The following G3BP2 variants were observed in gnomAD, a reference collection of about 807,000 sequenced individuals.
The protein encoded by G3BP2 is ras GTPase-activating protein-binding protein 2.
Under a neutral mutation model 56.7 loss-of-function variants are expected in G3BP2, and 11 were observed. The ratio of observed to expected loss-of-function variants is 0.19; its 90% confidence interval spans 0.12 to 0.32. The LOEUF (loss-of-function observed/expected upper bound fraction) is 0.32, where lower values mean the gene tolerates loss of function less well. Ranked by LOEUF, G3BP2 falls within the 10% of genes least tolerant of loss-of-function variation. The pLI is 1.00. For synonymous variants in G3BP2, 165 were observed against 191.6 expected, an observed-to-expected ratio of 0.86 and a Z score of 1.15; for missense variants, 340 against 610.9, an observed-to-expected ratio of 0.56 and a Z score of 4.67.
intron 2 of G3BP2, among the ~76,000 whole-genome samples, chr4:75,721,285 A>C (rs1720168441): frequency 3.5e-5 from 5 of 142,812 alleles, no homozygotes; most frequent in South Asian, 2.2e-4. Context: ...GTCTCACTCC[A>C]TCCTCCCAGC....
At chr4:75,678,385 G>A (rs1733957461), upstream of G3BP2, among the ~76,000 whole-genome samples, 1 of 151,736 alleles carries the variant, frequency 6.6e-6, no homozygotes, top group African/African-American at 2.4e-5. Context: ...TTGATTGCCT[G>A]GCCTCAGGCC....
upstream of G3BP2, chr4:75,673,659 G>C (rs796772846): frequency 1.6e-5 from 19 of 1,224,594 alleles, no homozygotes; most frequent in South Asian, 4.2e-4. Context: ...CAAGCAGGCT[G>C]CCTTTCTCCG....
At chr4:75,685,483 A>G (rs912948866) in intron 3 of G3BP2, among the ~76,000 whole-genome samples, 14 of 149,556 alleles carry the variant, frequency 9.4e-5, no homozygotes, top group African/African-American at 3.5e-4. Flanking sequence ...CCTGGGGGAC[A>G]GAATGAGACT....
chr4:75,646,963 G>T, intron 10 of G3BP2, 66 bp downstream of exon 10: 1 of 955,458 alleles, frequency 1.0e-6, no homozygotes, highest in South Asian at 1.7e-5. Context: ...TATTAAAAAA[G>T]CTCCATATGC....
At chr4:75,683,384 C>T (rs1160599491) in intron 3 of G3BP2, among the ~76,000 whole-genome samples, 1 of 151,738 alleles carries the variant, frequency 6.6e-6, no homozygotes, top group Non-Finnish European at 1.5e-5. Flanking sequence ...CAACGTGGTG[C>T]GAAACCCTGT....
intron 3 of G3BP2, among the ~76,000 whole-genome samples, chr4:75,684,893 G>A (rs190696798): frequency 1.3e-5 from 2 of 151,016 alleles, no homozygotes; most frequent in South Asian, 2.1e-4. Context: ...GCTCTTTTTC[G>A]ATATATTTCC....
At chr4:75,681,131 C>A (rs903609058) in intron 3 of G3BP2, among the ~76,000 whole-genome samples, 1 of 151,636 alleles carries the variant, frequency 6.6e-6, no homozygotes, top group Non-Finnish European at 1.5e-5. Context: ...CAAGACCAGC[C>A]TGGCCAACAT....
chr4:75,720,796 A>AAAAT (rs150099549), intron 3 of G3BP2, among the ~76,000 whole-genome samples: 23,735 of 131,836 alleles, frequency 0.18, 2,271 homozygotes, highest in East Asian at 0.27. Flanking sequence ...GCTCCATCTC[A>AAAAT]AAATAAATAA....
At chr4:75,667,288 TAAAAA>T (rs33912343) in intron 1 of G3BP2, among the ~76,000 whole-genome samples, 5 of 137,314 alleles carry the variant, frequency 3.6e-5, no homozygotes, top group Non-Finnish European at 6.2e-5. Context: ...AGACACTGTT[TAAAAA>T]AAAAAAAAAA....
intron 8 of G3BP2, among the ~76,000 whole-genome samples, chr4:75,649,524 A>G (rs1039595073): frequency 1.3e-5 from 2 of 152,200 alleles, no homozygotes; most frequent in Admixed American, 1.3e-4. Flanking sequence ...ATTATTTTTA[A>G]AACAAAATTA....
chr4:75,653,868 G>A (rs1731896705), intron 8 of G3BP2, 115 bp downstream of exon 8: 1 of 607,528 alleles, frequency 1.6e-6, no homozygotes, highest in African/African-American at 1.8e-5. Context: ...TATAATACAA[G>A]TTTTTTGTAT....
intron 3 of G3BP2, among the ~76,000 whole-genome samples, chr4:75,702,141 C>A (rs556745277): frequency 6.7e-6 from 1 of 150,332 alleles, no homozygotes; most frequent in Non-Finnish European, 1.5e-5. Context: ...GCCGTTCCCC[C>A]CTACCTTAAG....
chr4:75,717,217 T>G (rs1023730294), intron 3 of G3BP2, among the ~76,000 whole-genome samples: 1 of 151,802 alleles, frequency 6.6e-6, no homozygotes, highest in Non-Finnish European at 1.5e-5. Flanking sequence ...TTGAGGCGGG[T>G]GGGTCTCCAG....
intron 3 of G3BP2, among the ~76,000 whole-genome samples, chr4:75,687,244 T>C (rs1718652232): frequency 2.0e-5 from 3 of 152,188 alleles, no homozygotes; most frequent in Admixed American, 2.0e-4. Flanking sequence ...GGGGTAGGTC[T>C]TTTCCATGCT....
chr4:75,691,210 G>C (rs1339506979), intron 3 of G3BP2, among the ~76,000 whole-genome samples: 1 of 152,050 alleles, frequency 6.6e-6, no homozygotes, highest in African/African-American at 2.4e-5. Flanking sequence ...CTCCAAAGTA[G>C]CTGGGATTAC....
chr4:75,662,213 C>G (rs1447590571), intron 1 of G3BP2, 164 bp from the exon 2 acceptor site: 2 of 463,074 alleles, frequency 4.3e-6, no homozygotes, highest in African/African-American at 2.2e-5. Context: ...TCAGACTAAC[C>G]TGAAATAATT....
intron 3 of G3BP2, chr4:75,694,836 G>T: frequency 1.0e-6 from 1 of 985,648 alleles, no homozygotes; most frequent in Non-Finnish European, 1.2e-6. Context: ...CTAGCAGACA[G>T]GATGGGCTAA....
intron 3 of G3BP2, among the ~76,000 whole-genome samples, chr4:75,693,687 G>A (rs1303174645): frequency 1.3e-5 from 2 of 151,824 alleles, no homozygotes; most frequent in South Asian, 4.1e-4. Context: ...TACTCAGGAG[G>A]CTGAGGCAGG....
At chr4:75,657,177 G>T (rs1732180759) in intron 4 of G3BP2, among the ~76,000 whole-genome samples, 163 bp from the exon 5 acceptor site, 1 of 151,934 alleles carries the variant, frequency 6.6e-6, no homozygotes, top group South Asian at 2.1e-4. Flanking sequence ...AAATAAAAAG[G>T]TCACTCAAAA....
Sources: gnomAD v4.1 joint callset for allele counts (sites outside exome capture counted in the v4.1 genomes callset) on GRCh38, gnomAD v4.1.1 for gene constraint, MANE v1.5 for transcripts, NCBI Gene and HGNC (gene_info 2026-07-23, HGNC 2026-07-21) for gene names.